PDE4DIP: variants seen among roughly 807,000 people sequenced by gnomAD.
PDE4DIP encodes myomegalin.
A neutral mutation model predicts 221.4 loss-of-function variants in PDE4DIP; 59 were observed. The ratio of observed to expected loss-of-function variants is 0.27; its 90% confidence interval spans 0.22 to 0.33. The LOEUF (loss-of-function observed/expected upper bound fraction) is 0.33, where lower values mean the gene tolerates loss of function less well. Ranked by LOEUF, PDE4DIP falls within the 10% of genes least tolerant of loss-of-function variation. The probability of loss-of-function intolerance (pLI) is 1.00; values close to 1 mark genes in which losing one functional copy is unlikely to be tolerated. For synonymous variants in PDE4DIP, 404 were observed against 815.9 expected (o/e 0.50, Z 8.60); for missense variants, 1,036 against 2,154.2 (o/e 0.48, Z 10.28).
chr1:148,978,007 T>C (rs150582878), exon 18 of PDE4DIP: 23 of 1,614,062 alleles, frequency 1.4e-5, no homozygotes, highest in South Asian at 5.5e-5. Context: ...GCTGCTGATA[T>C]GGAGTCTCTG....
At chr1:148,961,657 C>G (rs2056966578) in intron 6 of PDE4DIP, among the ~76,000 whole-genome samples, 180 bp from the exon 10 acceptor site, 1 of 152,038 alleles carries the variant, frequency 6.6e-6, no homozygotes, top group Admixed American at 6.5e-5. Flanking sequence ...TATTTCATTT[C>G]TCCTGCTACT....
At chr1:149,023,013 C>A (rs1270223486) in intron 37 of PDE4DIP, among the ~76,000 whole-genome samples, 1 of 152,298 alleles carries the variant, frequency 6.6e-6, no homozygotes, top group Non-Finnish European at 1.5e-5. Context: ...GAGAGAGGAA[C>A]ATCATAAAAC....
At chr1:149,030,436 C>A (rs77121237) in intron 43 of PDE4DIP, 158 bp downstream of exon 46, 57 of 985,138 alleles carry the variant, frequency 5.8e-5, no homozygotes, top group African/African-American at 2.1e-4. Flanking sequence ...GAGCATCCTG[C>A]TAGTTTCTGT....
intron 5 of PDE4DIP, chr1:148,952,057 A>G (rs2053490354): frequency 2.0e-6 from 2 of 1,011,496 alleles, no homozygotes; most frequent in South Asian, 9.3e-5. Context: ...CTGTCCGAGA[A>G]TGCAGGGAGG....
intron 2 of PDE4DIP, chr1:148,930,619 A>T (rs1329041650): frequency 1.4e-4 from 21 of 152,194 alleles, no homozygotes; most frequent in Admixed American, 9.8e-4. Context: ...AAAAAAAAAA[A>T]AATACCTTGG....
chr1:148,934,346 A>G (rs1553473329), intron 4 of PDE4DIP, among the ~76,000 whole-genome samples: 1 of 152,014 alleles, frequency 6.6e-6, no homozygotes. Flanking sequence ...AAACCAAAAC[A>G]AAACCCCAAG....
chr1:148,912,039 C>A (rs1203143917), intron 1 of PDE4DIP, among the ~76,000 whole-genome samples: 1 of 146,432 alleles, frequency 6.8e-6, no homozygotes, highest in African/African-American at 2.6e-5. Flanking sequence ...GGCACAAACA[C>A]CAAGAGGCGG....
chr1:148,954,897 A>T (rs1310747162), intron 5 of PDE4DIP, among the ~76,000 whole-genome samples: 5 of 152,272 alleles, frequency 3.3e-5, no homozygotes, highest in African/African-American at 1.2e-4. Context: ...AAAGCCTGCT[A>T]CTGGTCAACG....
At chr1:149,009,834 A>C (rs782744235) in intron 30 of PDE4DIP, 43 bp downstream of exon 33, 21 of 1,347,332 alleles carry the variant, frequency 1.6e-5, no homozygotes, top group Non-Finnish European at 2.0e-5. Context: ...GTCTAGGCTG[A>C]GTGGAGAACT....
intron 5 of PDE4DIP, chr1:148,953,090 T>C: frequency 6.2e-7 from 1 of 1,614,090 alleles, no homozygotes; most frequent in Non-Finnish European, 8.5e-7. Context: ...TAACGATGAC[T>C]CTGGCGCGGA....
intron 1 of PDE4DIP, among the ~76,000 whole-genome samples, chr1:148,919,708 T>G (rs1389689247): frequency 1.3e-5 from 2 of 151,656 alleles, no homozygotes; most frequent in African/African-American, 4.9e-5. Flanking sequence ...ACCCATTCAC[T>G]AATAGTTACT....
In PDE4DIP at chr1:149,010,358, C is replaced by T. The variant is rs1473317345; in HGVS notation, c.4928-85C>T. The T allele has an allele frequency of 2.3e-5, 27 of 1,180,866 alleles. No homozygotes were observed. In the Admixed American group the frequency reaches 4.5e-4, roughly 20 times the overall value. 73.1% of individuals were successfully genotyped at this position (1,180,866 alleles called of 1,614,324 possible). A position where few individuals can be genotyped will look rare whatever the true frequency, so the allele number is the denominator to read the frequency against. ...CTTTCCCTGAAAGCAAGACTCTAGC[C>T]CTGGTACCCCTGGGTAAACATAAGG... On this transcript the variant is annotated intron_variant, in intron 30 of 43. Transcript: ENST00000369354.
At chr1:149,010,509 A>G (rs1553604325) in exon 31 of PDE4DIP, 1 of 1,611,928 alleles carries the variant, frequency 6.2e-7, no homozygotes, top group South Asian at 1.1e-5. Flanking sequence ...AGTGCATCTC[A>G]GGGGGCTAAG....
At chr1:149,030,141 AG>A in intron 42 of PDE4DIP, 90 bp from the exon 46 acceptor site, 1 of 1,116,762 alleles carries the variant, frequency 9.0e-7, no homozygotes, top group South Asian at 1.4e-5. Flanking sequence ...ATAGCCAGAA[AG>A]AAATAAATGC....
At chr1:148,844,321 G>C (rs1571710713) in intron 1 of PDE4DIP, 107 bp from the exon 1 acceptor site, 1 of 758,718 alleles carries the variant, frequency 1.3e-6, no homozygotes, top group Admixed American at 5.9e-5. Flanking sequence ...GGGTGGTTCA[G>C]GGGGCGTGTA....
At chr1:148,995,907 T>A (rs2064110366) in intron 22 of PDE4DIP, among the ~76,000 whole-genome samples, 1 of 147,310 alleles carries the variant, frequency 6.8e-6, no homozygotes, top group African/African-American at 2.5e-5. Context: ...AAATAAAAAA[T>A]AAAAGTTGTA....
intron 5 of PDE4DIP, chr1:148,952,385 C>T: frequency 4.6e-6 from 5 of 1,078,820 alleles, no homozygotes; most frequent in Non-Finnish European, 5.6e-6. Flanking sequence ...ATCCTCCATC[C>T]CCGAGGCTTT....
intron 10 of PDE4DIP, among the ~76,000 whole-genome samples, chr1:148,966,173 A>AT (rs1391979028): frequency 1.4e-4 from 9 of 65,450 alleles, no homozygotes; most frequent in Admixed American, 8.4e-4. Flanking sequence ...TAGTGTGCAT[A>AT]TTTTTTTTTC....
chr1:148,937,239 C>G (rs1553475608), intron 4 of PDE4DIP, among the ~76,000 whole-genome samples: 1 of 152,134 alleles, frequency 6.6e-6, no homozygotes, highest in Admixed American at 6.6e-5. Context: ...ATAATGTTGA[C>G]AGAAACAGTA....
Sources: allele counts gnomAD v4.1 joint callset (sites outside exome capture counted in the v4.1 genomes callset), GRCh38; gene constraint gnomAD v4.1.1; transcripts MANE v1.5; gene names NCBI Gene and HGNC (gene_info 2026-07-23, HGNC 2026-07-21).